STK39: variants seen among roughly 807,000 people sequenced by gnomAD.
STK39 encodes STE20/SPS1-related proline-alanine-rich protein kinase.
In STK39, 20 loss-of-function variants were observed where a neutral mutation model predicts 77.8. That is an observed-to-expected ratio of 0.26 (90% confidence interval 0.18 to 0.37). The LOEUF (loss-of-function observed/expected upper bound fraction) is 0.37. Among genes scored for constraint, STK39 ranks in the 10% least tolerant of loss-of-function variants. The pLI, the probability that STK39 is intolerant of heterozygous loss-of-function variation, is 1.00. For synonymous variants in STK39, 246 were observed against 234.1 expected (o/e 1.05, Z -0.47); for missense variants, 479 against 656.5 (o/e 0.73, Z 2.95).
intron 10 of STK39, among the ~76,000 whole-genome samples, chr2:168,106,883 T>C (rs1341412762): frequency 6.6e-6 from 1 of 152,222 alleles, no homozygotes; most frequent in African/African-American, 2.4e-5. Context: ...GTATGTATTA[T>C]GTGTATATAT....
chr2:168,035,779 A>G (rs2105345164), intron 14 of STK39, among the ~76,000 whole-genome samples: 1 of 152,290 alleles, frequency 6.6e-6, no homozygotes, highest in African/African-American at 2.4e-5. Flanking sequence ...AAGGTGTCTA[A>G]TGTGCTGTCC....
Position 168,143,192 on chromosome 2 carries a change from A to G in STK39, c.629-2434T>C, listed in dbSNP as rs185089881. ...TATGGGTAAATGCTGCTTTAAGAAA[A>G]ACAACAACAACAACAAATAATGCTG... On this transcript the variant is annotated intron_variant, in intron 5 of 17. Transcript: ENST00000355999. 2.0e-5 allele frequency among the ~76,000 whole-genome samples: 3 copies of G among 152,300 alleles called. No individual in the cohort carries two copies. In the East Asian group the frequency reaches 5.8e-4, roughly 29 times the overall value.
chr2:168,171,765 G>C (rs1423889844), intron 2 of STK39, among the ~76,000 whole-genome samples: 3 of 152,020 alleles, frequency 2.0e-5, no homozygotes, highest in African/African-American at 7.3e-5. Flanking sequence ...TGAAATTACA[G>C]CTGTGAGCCA....
At chr2:168,106,410 CT>C (rs1272461469) in intron 10 of STK39, among the ~76,000 whole-genome samples, 2 of 152,142 alleles carry the variant, frequency 1.3e-5, no homozygotes, top group Non-Finnish European at 2.9e-5. Flanking sequence ...ACTTGTGTTA[CT>C]GTTATAGCTA....
chr2:168,081,473 C>A (rs1686229304), intron 10 of STK39, among the ~76,000 whole-genome samples: 1 of 152,178 alleles, frequency 6.6e-6, no homozygotes, highest in Non-Finnish European at 1.5e-5. Flanking sequence ...TGTACCCCCA[C>A]TGTATCTAGG....
chr2:168,236,282 G>C (rs1416043121), intron 1 of STK39, among the ~76,000 whole-genome samples: 1 of 151,996 alleles, frequency 6.6e-6, no homozygotes, highest in East Asian at 1.9e-4. Flanking sequence ...CATATCCTTC[G>C]CCCACTTTTT....
intron 12 of STK39, 120 bp downstream of exon 12, chr2:168,074,862 G>T: frequency 8.5e-7 from 1 of 1,177,144 alleles, no homozygotes; most frequent in Non-Finnish European, 1.2e-6. Flanking sequence ...AAGTCCTCGT[G>T]CCTTTCCTTT....
chr2:168,152,888 T>C (rs1020759421), intron 5 of STK39, among the ~76,000 whole-genome samples: 3 of 152,228 alleles, frequency 2.0e-5, no homozygotes, highest in East Asian at 1.9e-4. Flanking sequence ...CAGGTGATCT[T>C]TTTTAAACAA....
At chr2:168,114,217 G>A (rs923898974) in intron 10 of STK39, among the ~76,000 whole-genome samples, 9 of 152,218 alleles carry the variant, frequency 5.9e-5, no homozygotes, top group Non-Finnish European at 1.3e-4. Context: ...TAGCTGTTGG[G>A]TTATTGTGCT....
chr2:167,984,843 TA>T lies in STK39; in HGVS notation c.1499-20118del, dbSNP rs1683516670. On this transcript the variant is annotated intron_variant, in intron 16 of 17. Transcript: ENST00000355999. ...TTTAGAATGTCAAATAACATTATAA[TA>T]GGTCAAATTAACTTTTAAAATACAT... 3.3e-5 allele frequency among the ~76,000 whole-genome samples: 5 copies of T among 152,324 alleles called. No homozygotes were observed. In the South Asian group the frequency reaches 1.0e-3, roughly 32 times the overall value.
intron 17 of STK39, among the ~76,000 whole-genome samples, chr2:167,958,970 C>T (rs188168218): frequency 1.3e-5 from 2 of 152,306 alleles, no homozygotes; most frequent in African/African-American, 4.8e-5. Context: ...ATTAACATCA[C>T]CCATCACCAA....
At chr2:168,018,543 AAAGAAAG>A (rs1172418808) in intron 14 of STK39, among the ~76,000 whole-genome samples, 50 of 99,512 alleles carry the variant, frequency 5.0e-4, no homozygotes, top group African/African-American at 1.9e-3. Flanking sequence ...GAAAGAAAAG[AAAGAAAG>A]AAAGAAAGAA....
intron 14 of STK39, among the ~76,000 whole-genome samples, chr2:168,060,454 A>C (rs1270726609): frequency 6.6e-6 from 1 of 152,228 alleles, no homozygotes; most frequent in Non-Finnish European, 1.5e-5. Context: ...GACAGCTGCA[A>C]GCCAAGAAGA....
At chr2:168,204,528 A>T (rs1445199510) in intron 1 of STK39, among the ~76,000 whole-genome samples, 1 of 152,240 alleles carries the variant, frequency 6.6e-6, no homozygotes, top group Non-Finnish European at 1.5e-5. Context: ...GACATTTAGG[A>T]CTGAACTGTC....
At chr2:168,120,634 A>G (rs1413669486) in intron 10 of STK39, among the ~76,000 whole-genome samples, 2 of 152,248 alleles carry the variant, frequency 1.3e-5, no homozygotes, top group Non-Finnish European at 2.9e-5. Context: ...AATCTGGACT[A>G]TAATAACTAT....
intron 14 of STK39, among the ~76,000 whole-genome samples, chr2:168,056,681 C>A (rs979266322): frequency 1.3e-5 from 2 of 152,134 alleles, no homozygotes; most frequent in Admixed American, 1.3e-4. Context: ...GTAACATATG[C>A]AGGCGTATAT....
At chr2:168,077,838 G>C (rs1404516539) in intron 10 of STK39, among the ~76,000 whole-genome samples, 3 of 150,806 alleles carry the variant, frequency 2.0e-5, no homozygotes, top group African/African-American at 4.9e-5. Context: ...AGCCATCTAA[G>C]TTTCACACAG....
intron 17 of STK39, among the ~76,000 whole-genome samples, chr2:167,957,317 T>C (rs1691813396): frequency 6.6e-6 from 1 of 152,170 alleles, no homozygotes; most frequent in South Asian, 2.1e-4. Flanking sequence ...TTCAGAGAAG[T>C]AAAATTGTCA....
At chr2:168,246,166 C>T (rs1690894461) in intron 1 of STK39, among the ~76,000 whole-genome samples, 1 of 152,108 alleles carries the variant, frequency 6.6e-6, no homozygotes, top group Non-Finnish European at 1.5e-5. Context: ...TACCAAGATT[C>T]TGGAAAGGCA....
Sources: gnomAD v4.1 joint callset for allele counts (sites outside exome capture counted in the v4.1 genomes callset) on GRCh38, gnomAD v4.1.1 for gene constraint, MANE v1.5 for transcripts, NCBI Gene and HGNC (gene_info 2026-07-23, HGNC 2026-07-21) for gene names.